The following ZP3 variants were observed in gnomAD, a reference collection of about 807,000 sequenced individuals.
ZP3 encodes zona pellucida sperm-binding protein 3.
ZP3 carries 21 observed loss-of-function variants against 35.6 expected under a neutral mutation model. The ratio of observed to expected loss-of-function variants is 0.59; its 90% confidence interval spans 0.42 to 0.85. ZP3 has a LOEUF of 0.85. ZP3 is among the 40% of genes least tolerant of loss of function. The pLI is 0.00. For missense variants in ZP3, 437 were observed against 536.5 expected (o/e 0.81, Z 1.83); for synonymous variants, 207 against 214.5 (o/e 0.96, Z 0.31).
intron 1 of ZP3, among the ~76,000 whole-genome samples, chr7:76,402,946 C>T (rs1804877652): frequency 6.6e-6 from 1 of 152,198 alleles, no homozygotes; most frequent in South Asian, 2.1e-4. Flanking sequence ...GGATTACAGG[C>T]GTGAGCCACT....
At chr7:76,399,552 C>T (rs11975972) in intron 1 of ZP3, among the ~76,000 whole-genome samples, 78,203 of 151,148 alleles carry the variant, frequency 0.52, 21,070 homozygotes, top group African/African-American at 0.65. Flanking sequence ...CTTTGTTTTT[C>T]GAGACAGGAT....
intron 1 of ZP3, among the ~76,000 whole-genome samples, chr7:76,414,402 G>C (rs903938552): frequency 6.6e-6 from 1 of 152,094 alleles, no homozygotes; most frequent in East Asian, 1.9e-4. Flanking sequence ...CCTGACATGA[G>C]AAGCTGCAGG....
At chr7:76,415,364 C>CAAAAAAAAAAAAAA (rs528001072) in intron 1 of ZP3, among the ~76,000 whole-genome samples, 1,693 of 63,246 alleles carry the variant, frequency 0.027, 361 homozygotes, top group African/African-American at 0.092. Context: ...GACTCCGTCT[C>CAAAAAAAAAAAAAA]AAAAAAAAAA....
chr7:76,423,025 G>GAGAGAGAGAGAGAAAGAA (rs1278384225), upstream of ZP3, among the ~76,000 whole-genome samples: 85 of 75,832 alleles, frequency 1.1e-3, no homozygotes, highest in Middle Eastern at 6.3e-3. Context: ...GAGAGAGAGA[G>GAGAGAGAGAGAGAAAGAA]AGAAAGAAAG....
chr7:76,403,605 G>C (rs1804899862), intron 1 of ZP3, among the ~76,000 whole-genome samples: 1 of 150,902 alleles, frequency 6.6e-6, no homozygotes, highest in South Asian at 2.1e-4. Context: ...CAAAGTGCTG[G>C]GATTACAGGC....
At chr7:76,417,300 C>T (rs1018722265) in intron 1 of ZP3, among the ~76,000 whole-genome samples, 3 of 152,076 alleles carry the variant, frequency 2.0e-5, no homozygotes, top group Middle Eastern at 3.2e-3. Flanking sequence ...CTCAGGCTAT[C>T]GGCCCACCTC....
intron 1 of ZP3, among the ~76,000 whole-genome samples, chr7:76,416,743 G>A (rs932848089): frequency 6.6e-6 from 1 of 151,682 alleles, no homozygotes; most frequent in African/African-American, 2.4e-5. Context: ...AGGCTTCAGT[G>A]AGCCAAGATC....
intron 1 of ZP3, among the ~76,000 whole-genome samples, chr7:76,411,219 G>A (rs1482693192): frequency 6.6e-6 from 1 of 151,884 alleles, no homozygotes; most frequent in Non-Finnish European, 1.5e-5. Flanking sequence ...ATGTTCAGCT[G>A]CTCCTTCCCA....
In ZP3 at chr7:76,441,937, T is replaced by C; in HGVS notation, c.1156T>C (p.Ser386Pro). The C allele has an allele frequency of 6.4e-7, 1 of 1,555,550 alleles. No homozygotes were observed. The highest frequency in any genetic ancestry group is 8.8e-7 in the Non-Finnish European group (1 of 1,131,466). ...VEQWALPSDT[S>P]VVLLGVGLAV... ...GCAGTGGGCTTTGCCTTCTGACACCTCAGTGGTGCTGCTGGGCGTAGGCCT... is the reference window on the plus strand; with the variant it reads ...GCAGTGGGCTTTGCCTTCTGACACCCCAGTGGTGCTGCTGGGCGTAGGCCT... Residue 386 changes from serine to proline, a missense_variant, in exon 8 of 8, where the codon TCA becomes CCA. Physicochemically the swap from Ser to Pro is moderately conservative, Grantham distance 74 (BLOSUM62 -1). Coordinates refer to ENST00000394857, the MANE Select transcript of ZP3 (RefSeq NM_001110354.2).
At chr7:76,411,534 A>G (rs1395115832) in intron 1 of ZP3, among the ~76,000 whole-genome samples, 2 of 151,958 alleles carry the variant, frequency 1.3e-5, no homozygotes, top group African/African-American at 4.8e-5. Context: ...GTGCCACTGC[A>G]CTCCAGCCTG....
intron 5 of ZP3, among the ~76,000 whole-genome samples, chr7:76,438,531 C>A (rs376024590): frequency 7.6e-5 from 8 of 105,820 alleles, no homozygotes; most frequent in Admixed American, 6.9e-4. Context: ...AGACAGACTC[C>A]GTCTCAGAAA....
chr7:76,441,780 C>A, intron 7 of ZP3, 62 bp from the exon 8 acceptor site: 2 of 1,608,866 alleles, frequency 1.2e-6, no homozygotes, highest in Non-Finnish European at 1.7e-6. Context: ...AGAATAAAAC[C>A]TCCAACCCAG....
chr7:76,405,892 T>G (rs1805009286), intron 1 of ZP3, among the ~76,000 whole-genome samples: 1 of 152,092 alleles, frequency 6.6e-6, no homozygotes, highest in Non-Finnish European at 1.5e-5. Flanking sequence ...CTTTCCTTCC[T>G]TCCTTCTGTC....
intron 5 of ZP3, among the ~76,000 whole-genome samples, chr7:76,437,541 A>C (rs1806059016): frequency 1.3e-5 from 2 of 149,582 alleles, no homozygotes; most frequent in African/African-American, 4.9e-5. Context: ...GCTAGAGTGC[A>C]ATGGCGTAAT....
rs1377600199 is a variant in ZP3 at position 76,397,798 on chromosome 7, G to T, written c.-67+1G>T. 2.5e-6 allele frequency: 4 copies of T among 1,602,212 alleles called. No individual in the cohort carries two copies. In the African/African-American group the frequency reaches 4.0e-5, roughly 16 times the overall value. On this transcript the variant is annotated splice_donor_variant, in intron 1 of 8. Coordinates refer to the ZP3 transcript ENST00000336517. LOFTEE classifies it low-confidence loss of function (5UTR_SPLICE). ...GGATCTCCACTCGGCCCTGACACAG[G>T]TTCGCGCCCCCTACCAGGCGTACGC...
upstream of ZP3, among the ~76,000 whole-genome samples, chr7:76,420,852 C>G (rs1805487119): frequency 6.6e-6 from 1 of 151,348 alleles, no homozygotes; most frequent in Non-Finnish European, 1.5e-5. Flanking sequence ...CCCTGTATCT[C>G]TTTATATTTA....
Position 76,425,220 on chromosome 7 carries a change from A to C in ZP3, c.256A>C (p.Thr86Pro). 6.2e-7 allele frequency: 1 copy of C among 1,613,826 alleles called. No homozygotes were observed. Among genetic ancestry groups the C allele is most frequent in the Non-Finnish European group, 8.5e-7 (1 of 1,179,976 alleles). The change falls in exon 1 of 8, where the codon ACA becomes CCA. Residue 86 changes from threonine (T) to proline (P), a missense_variant. By Grantham distance (38) the Thr-to-Pro change is conservative. Transcript: ENST00000394857. ...EACEPLVSMDTEDVVRFEVGL... is the reference protein window; with the variant it reads ...EACEPLVSMDPEDVVRFEVGL... ...CTGTGAGCCTCTGGTCTCCATGGAC[A>C]CAGAAGATGTGGTCAGGTTTGAGGT...
intron 5 of ZP3, among the ~76,000 whole-genome samples, chr7:76,438,721 G>A (rs948924189): frequency 1.4e-5 from 2 of 142,628 alleles, no homozygotes; most frequent in African/African-American, 5.4e-5. Context: ...TCAGCCTGGT[G>A]AGTCTTCTGG....
chr7:76,412,474 A>C (rs955219899), intron 1 of ZP3, among the ~76,000 whole-genome samples: 2 of 152,198 alleles, frequency 1.3e-5, no homozygotes, highest in Admixed American at 6.6e-5. Flanking sequence ...TTGTATCTTA[A>C]TTGTATATGA....
Sources: allele counts gnomAD v4.1 joint callset (sites outside exome capture counted in the v4.1 genomes callset), GRCh38; gene constraint gnomAD v4.1.1; transcripts MANE v1.5; gene names NCBI Gene and HGNC (gene_info 2026-07-23, HGNC 2026-07-21).